Variants in NLGN1 observed in about 807,000 individuals in gnomAD.
NLGN1 encodes neuroligin-1.
A neutral mutation model predicts 65.5 loss-of-function variants in NLGN1; 12 were observed. The ratio of observed to expected loss-of-function variants is 0.18; its 90% CI spans 0.12 to 0.30. The LOEUF (loss-of-function observed/expected upper bound fraction) is 0.30, where lower values mean the gene tolerates loss of function less well. Among genes scored for constraint, NLGN1 ranks in the 10% least tolerant of loss-of-function variants. The pLI is 1.00. For synonymous variants in NLGN1, 350 were observed against 359.5 expected (o/e 0.97, Z 0.30); for missense variants, 750 against 1,007.1 (o/e 0.74, Z 3.46).
At chr3:173,792,186 T>A (rs1015705116) in intron 3 of NLGN1, among the ~76,000 whole-genome samples, 1 of 152,120 alleles carries the variant, frequency 6.6e-6, no homozygotes, top group African/African-American at 2.4e-5. Context: ...GACCAGAAAC[T>A]GTTAAGAAGT....
chr3:173,895,077 AG>A (rs1218648378), intron 4 of NLGN1, among the ~76,000 whole-genome samples: 3 of 152,094 alleles, frequency 2.0e-5, no homozygotes, highest in East Asian at 1.9e-4. Context: ...TGGTGCCGGG[AG>A]GGGGGGAGTT....
At chr3:174,275,334 T>C (rs1359737379) in exon 5 of NLGN1, 1 of 1,612,326 alleles carries the variant, frequency 6.2e-7, no homozygotes, top group South Asian at 1.1e-5. Context: ...GTACAGGCGA[T>C]CAGGCTGCAA....
intron 4 of NLGN1, among the ~76,000 whole-genome samples, chr3:174,100,907 C>CA (rs1221029028): frequency 2.0e-5 from 3 of 151,832 alleles, no homozygotes; most frequent in Non-Finnish European, 4.4e-5. Context: ...TGGGGTGTGT[C>CA]ATCCTGGTTT....
At chr3:173,549,409 G>A (rs779180408) in intron 2 of NLGN1, among the ~76,000 whole-genome samples, 4 of 151,594 alleles carry the variant, frequency 2.6e-5, no homozygotes, top group Non-Finnish European at 4.4e-5. Flanking sequence ...ATATGTATGG[G>A]GTACATGAGA....
At chr3:173,830,010 G>GTGTGC (rs76306125) in intron 4 of NLGN1, among the ~76,000 whole-genome samples, 1 of 139,244 alleles carries the variant, frequency 7.2e-6, no homozygotes, top group African/African-American at 2.8e-5. Context: ...GGTAGTGTGG[G>GTGTGC]GGGGGGAGGG....
chr3:174,278,784 C>T, intron 5 of NLGN1, 77 bp from the exon 6 acceptor site: 1 of 1,178,670 alleles, frequency 8.5e-7, no homozygotes, highest in Non-Finnish European at 1.1e-6. Context: ...ATATACATGT[C>T]TAAAATATCA....
intron 4 of NLGN1, among the ~76,000 whole-genome samples, chr3:173,870,438 C>G (rs1296667578): frequency 6.6e-6 from 1 of 152,078 alleles, no homozygotes; most frequent in Non-Finnish European, 1.5e-5. Flanking sequence ...ACTAGAAAAG[C>G]AAACAGGGCC....
intron 2 of NLGN1, among the ~76,000 whole-genome samples, chr3:173,501,479 T>C (rs928378680): frequency 3.9e-5 from 6 of 152,100 alleles, no homozygotes; most frequent in Admixed American, 6.6e-5. Context: ...AACAGAACTT[T>C]AAGCCCCAGA....
intron 2 of NLGN1, among the ~76,000 whole-genome samples, chr3:173,533,293 C>G (rs184868119): frequency 1.6e-4 from 25 of 152,222 alleles, no homozygotes; most frequent in Non-Finnish European, 3.4e-4. Flanking sequence ...AGATTGTTTT[C>G]TTCATAATTT....
intron 3 of NLGN1, among the ~76,000 whole-genome samples, chr3:173,699,993 T>C (rs1250661076): frequency 6.6e-6 from 1 of 152,210 alleles, no homozygotes; most frequent in Non-Finnish European, 1.5e-5. Context: ...CTAATTCACC[T>C]ACCAAACTGA....
intron 3 of NLGN1, among the ~76,000 whole-genome samples, chr3:173,650,453 T>C (rs1286082220): frequency 6.6e-6 from 1 of 152,194 alleles, no homozygotes; most frequent in Non-Finnish European, 1.5e-5. Flanking sequence ...ATGGTTATTG[T>C]ATAGTTTACA....
At chr3:173,629,559 A>G (rs918514319) in intron 3 of NLGN1, among the ~76,000 whole-genome samples, 21 of 152,214 alleles carry the variant, frequency 1.4e-4, no homozygotes, top group African/African-American at 4.6e-4. Context: ...AAGAAAAATT[A>G]TAAGTTATAT....
intron 2 of NLGN1, among the ~76,000 whole-genome samples, chr3:173,559,403 T>C (rs1258153105): frequency 6.6e-6 from 1 of 152,190 alleles, no homozygotes; most frequent in Admixed American, 6.5e-5. Context: ...TGTCTGCCTA[T>C]ACATAGACTA....
chr3:174,278,532 G>A (rs1287445657), intron 5 of NLGN1, among the ~76,000 whole-genome samples: 1 of 151,882 alleles, frequency 6.6e-6, no homozygotes, highest in Admixed American at 6.6e-5. Context: ...TAATGTTGAT[G>A]ATAATATACG....
At chr3:173,815,058 C>T in intron 4 of NLGN1, among the ~76,000 whole-genome samples, 1 of 147,006 alleles carries the variant, frequency 6.8e-6, no homozygotes. Context: ...TTTTCTTTCT[C>T]TCCTTCCTTC....
chr3:173,665,607 G>A (rs1394025745), intron 3 of NLGN1, among the ~76,000 whole-genome samples: 2 of 152,124 alleles, frequency 1.3e-5, no homozygotes, highest in African/African-American at 4.8e-5. Flanking sequence ...TGTAAACAGT[G>A]CTAATCTTCT....
chr3:174,155,063 A>G (rs912967586), intron 4 of NLGN1, among the ~76,000 whole-genome samples: 5 of 126,690 alleles, frequency 3.9e-5, no homozygotes, highest in Non-Finnish European at 7.9e-5. Context: ...TTTAATATAA[A>G]ATATTTATAT....
At chr3:173,659,894 C>G (rs1414413229) in intron 3 of NLGN1, among the ~76,000 whole-genome samples, 1 of 151,798 alleles carries the variant, frequency 6.6e-6, no homozygotes, top group Non-Finnish European at 1.5e-5. Flanking sequence ...TTCCTTATCA[C>G]AAAAGTCCAC....
chr3:173,725,868 G>A (rs1166300213), intron 3 of NLGN1, among the ~76,000 whole-genome samples: 2 of 152,042 alleles, frequency 1.3e-5, no homozygotes, highest in African/African-American at 4.8e-5. Context: ...CTTACTGGCT[G>A]TTGGCTGGAA....
Sources: gnomAD v4.1 joint callset for allele counts (sites outside exome capture counted in the v4.1 genomes callset) on GRCh38, gnomAD v4.1.1 for gene constraint, MANE v1.5 for transcripts, NCBI Gene and HGNC (gene_info 2026-07-23, HGNC 2026-07-21) for gene names.